KCNC2: variants seen among roughly 807,000 people sequenced by gnomAD.
The protein encoded by KCNC2 is voltage-gated potassium channel KCNC2.
KCNC2 carries 21 observed loss-of-function variants against 44.5 expected under a neutral mutation model. The observed-to-expected ratio is 0.47, with a 90% CI of 0.33 to 0.68. The LOEUF (loss-of-function observed/expected upper bound fraction) is 0.68. KCNC2 is among the 30% of genes least tolerant of loss of function. The pLI is 0.01. For missense variants in KCNC2, 589 were observed against 826.2 expected (o/e 0.71, Z 3.52); for synonymous variants, 391 against 339.1 (o/e 1.15, Z -1.68).
chr12:75,168,737 C>T (rs560115371), intron 2 of KCNC2, among the ~76,000 whole-genome samples: 2 of 151,570 alleles, frequency 1.3e-5, no homozygotes, highest in African/African-American at 4.8e-5. Context: ...AATTATTTTG[C>T]TGTCTGTGAA....
chr12:75,065,945 T>C (rs1198796603), intron 2 of KCNC2, among the ~76,000 whole-genome samples: 3 of 152,148 alleles, frequency 2.0e-5, no homozygotes, highest in Non-Finnish European at 2.9e-5. Context: ...CATTCATATT[T>C]TGAATTTGCT....
rs564604881 is a variant in KCNC2, at chr12:75,146,596, A to G, written c.687+60701T>C. ...TATTTTTGCTATTAAAAATAGTGCA[A>G]CCATTACCATGCTTGTGCAAGTGCA... is the stretch of plus-strand genomic sequence containing the variant. On this transcript the variant is annotated intron_variant, in intron 2 of 4. Transcript: ENST00000549446. Among the ~76,000 whole-genome samples, 8 of 152,362 alleles carry G rather than the reference A, an allele frequency of 5.3e-5. 1 individual carries two copies. In the South Asian group the frequency reaches 1.0e-3, roughly 20 times the overall value.
intron 2 of KCNC2, among the ~76,000 whole-genome samples, chr12:75,083,219 G>T (rs7979486): frequency 0.89 from 135,258 of 151,600 alleles, 60,388 homozygotes; most frequent in Admixed American, 0.92. Flanking sequence ...CATTACTACT[G>T]CTGTTTTCTG....
intron 2 of KCNC2, among the ~76,000 whole-genome samples, chr12:75,087,400 G>T (rs1023338173): frequency 1.3e-5 from 2 of 152,026 alleles, no homozygotes; most frequent in African/African-American, 2.4e-5. Flanking sequence ...TATCGTTTTA[G>T]ATAAGCAGAG....
At chr12:75,068,207 T>A (rs757715780) in intron 2 of KCNC2, among the ~76,000 whole-genome samples, 8 of 152,192 alleles carry the variant, frequency 5.3e-5, no homozygotes, top group Non-Finnish European at 1.2e-4. Context: ...TGGCCACCAA[T>A]GCCATAATAA....
At chr12:75,055,648 A>C (rs1037786438) in intron 2 of KCNC2, among the ~76,000 whole-genome samples, 5 of 152,106 alleles carry the variant, frequency 3.3e-5, no homozygotes, top group African/African-American at 1.2e-4. Context: ...CTGTTAAAAT[A>C]TTGGCTTGTG....
At chr12:75,101,361 G>GT (rs1186292854) in intron 2 of KCNC2, among the ~76,000 whole-genome samples, 1 of 151,978 alleles carries the variant, frequency 6.6e-6, no homozygotes, top group East Asian at 1.9e-4. Context: ...AATTTCATGG[G>GT]TTGGAACTAT....
intron 2 of KCNC2, among the ~76,000 whole-genome samples, chr12:75,206,237 G>T (rs1482095762): frequency 6.6e-6 from 1 of 152,200 alleles, no homozygotes; most frequent in Non-Finnish European, 1.5e-5. Flanking sequence ...TTTTCTGGGT[G>T]TCGGAAGCAA....
chr12:75,114,144 A>G (rs1887468633), intron 2 of KCNC2, among the ~76,000 whole-genome samples: 1 of 152,208 alleles, frequency 6.6e-6, no homozygotes, highest in Non-Finnish European at 1.5e-5. Flanking sequence ...ATGACTCTCA[A>G]AATCTGTTGG....
At chr12:75,062,266 A>G (rs1474776652) in intron 2 of KCNC2, among the ~76,000 whole-genome samples, 1 of 152,030 alleles carries the variant, frequency 6.6e-6, no homozygotes, top group Non-Finnish European at 1.5e-5. Context: ...GATCAGAAAG[A>G]CTCAGAAAAG....
chr12:75,041,467 G>A lies in KCNC2; in HGVS notation c.*1638C>T, dbSNP rs1387107110. 8.1e-7 allele frequency: 1 copy of A among 1,237,498 alleles called. No individual in the cohort carries two copies. Among genetic ancestry groups the A allele is most frequent in the Non-Finnish European group, 1.0e-6 (1 of 979,170 alleles). The allele number at this position is 1,237,498 out of a possible 1,614,324, so 76.7% of individuals were successfully genotyped here. On this transcript the variant is annotated 3_prime_UTR_variant, in exon 5 of 5. Coordinates refer to ENST00000549446, the MANE Select transcript of KCNC2 (RefSeq NM_139137.4). Reference sequence around the variant, plus strand: ...TGTCTTCCTAACAAAAAATAAACATGAGAAATAGGAATTAATCAGCAGTCT... The same window carrying A: ...TGTCTTCCTAACAAAAAATAAACATAAGAAATAGGAATTAATCAGCAGTCT...
chr12:75,183,937 A>T (rs931216642), intron 2 of KCNC2, among the ~76,000 whole-genome samples: 18 of 151,982 alleles, frequency 1.2e-4, no homozygotes, highest in African/African-American at 3.9e-4. Context: ...AGCATTACTC[A>T]ACTTTATATA....
chr12:75,183,505 A>G (rs981659343), intron 2 of KCNC2, among the ~76,000 whole-genome samples: 1 of 152,194 alleles, frequency 6.6e-6, no homozygotes, highest in Non-Finnish European at 1.5e-5. Context: ...GAGTCAAATA[A>G]CCAGTACCCA....
chr12:75,169,312 A>G lies in KCNC2; in HGVS notation c.687+37985T>C, dbSNP rs189304949. ...AATCATTGACTATCACAAAATAGAT[A>G]TAAAATTACAGCAATTCTGAAACTA... is the stretch of plus-strand genomic sequence containing the variant. On this transcript the variant is annotated intron_variant, in intron 2 of 4. Coordinates refer to ENST00000549446, the MANE Select transcript of KCNC2 (RefSeq NM_139137.4). Among the ~76,000 whole-genome samples, 509 of 151,728 alleles carry G rather than the reference A, an allele frequency of 3.4e-3. 1 individual carries two copies. The highest frequency in any genetic ancestry group is 4.0e-3 in the Non-Finnish European group (269 of 67,692).
intron 2 of KCNC2, among the ~76,000 whole-genome samples, chr12:75,069,731 G>T (rs2137028136): frequency 6.6e-6 from 1 of 152,280 alleles, no homozygotes; most frequent in Middle Eastern, 3.4e-3. Context: ...CTGAGTAGAA[G>T]CTTCTTGCAG....
At chr12:75,148,678 A>C (rs1346811459) in intron 2 of KCNC2, among the ~76,000 whole-genome samples, 1 of 152,026 alleles carries the variant, frequency 6.6e-6, no homozygotes, top group Non-Finnish European at 1.5e-5. Context: ...CAAAAACATA[A>C]ATCAATGCCT....
chr12:75,156,450 G>A (rs970051665), intron 2 of KCNC2, among the ~76,000 whole-genome samples: 1 of 151,862 alleles, frequency 6.6e-6, no homozygotes, highest in Middle Eastern at 3.4e-3. Flanking sequence ...TTTCAAGCTA[G>A]TAGAATTGCA....
At chr12:75,122,562 A>G (rs897903237) in intron 2 of KCNC2, among the ~76,000 whole-genome samples, 2 of 152,216 alleles carry the variant, frequency 1.3e-5, no homozygotes, top group Non-Finnish European at 2.9e-5. Flanking sequence ...AGTAGAATTC[A>G]TCTCCTCCAC....
intron 2 of KCNC2, among the ~76,000 whole-genome samples, chr12:75,198,851 C>CA (rs2030998936): frequency 6.6e-6 from 1 of 151,420 alleles, no homozygotes; most frequent in Non-Finnish European, 1.5e-5. Context: ...CACAAAATGA[C>CA]AAAAAACTCA....
Sources: gnomAD v4.1 joint callset for allele counts (sites outside exome capture counted in the v4.1 genomes callset) on GRCh38, gnomAD v4.1.1 for gene constraint, MANE v1.5 for transcripts, NCBI Gene and HGNC (gene_info 2026-07-23, HGNC 2026-07-21) for gene names.